The following SNTB1 variants were observed in gnomAD, a reference collection of about 807,000 sequenced individuals.
The protein encoded by SNTB1 is beta-1-syntrophin.
In SNTB1, 36 loss-of-function variants were observed where a neutral mutation model predicts 48.9. That is an observed-to-expected ratio of 0.74 (90% confidence interval 0.56 to 0.97). The LOEUF is 0.97. Among genes scored for constraint, SNTB1 ranks in the 50% least tolerant of loss-of-function variants. The pLI, the probability that SNTB1 is intolerant of heterozygous loss-of-function variation, is 0.00. For missense variants in SNTB1, 786 were observed against 703.4 expected (o/e 1.12, Z -1.33); for synonymous variants, 299 against 294.6 (o/e 1.01, Z -0.15).
Position 120,632,481 on chromosome 8 carries a change from C to T in SNTB1, c.959G>A (p.Ser320Asn). ...CCAGCCAAGATGCCTAATCTCTCGG[C>T]TCCCAGCAATGCCTGTTTTCCCCAG... ...EQLGKTGIAG[S>N]REIRHLGWLA... Residue 320 changes from serine (S) to asparagine (N), a missense_variant, in exon 3 of 7, where the codon AGC becomes AAC. Coordinates refer to ENST00000517992, the MANE Select transcript of SNTB1 (RefSeq NM_021021.4). The T allele has an allele frequency of 6.2e-7, 1 of 1,614,148 alleles. No individual in the cohort carries two copies. Among genetic ancestry groups the T allele is most frequent in the Non-Finnish European group, 8.5e-7 (1 of 1,180,034 alleles).
chr8:120,751,269 C>T (rs1485613813), intron 1 of SNTB1, among the ~76,000 whole-genome samples: 1 of 151,986 alleles, frequency 6.6e-6, no homozygotes, highest in Non-Finnish European at 1.5e-5. Flanking sequence ...TGGATGTTGT[C>T]CACATTAAGA....
Position 120,632,664 on chromosome 8 carries a change from A to G in SNTB1, c.789-13T>C. 1 of 1,613,182 alleles carries G rather than the reference A, an allele frequency of 6.2e-7. No homozygotes were observed. Among genetic ancestry groups the G allele is most frequent in the Non-Finnish European group, 8.5e-7 (1 of 1,179,286 alleles). ...GATTTCAAGCTGCCTAGAGGAGCAC[A>G]GAGAGAAGGGTTAGAAAGTTTCCTG... On this transcript the variant is annotated splice_polypyrimidine_tract_variant and intron_variant, in intron 2 of 6. Coordinates refer to ENST00000517992, the MANE Select transcript of SNTB1 (RefSeq NM_021021.4).
intron 1 of SNTB1, among the ~76,000 whole-genome samples, chr8:120,764,297 GA>G (rs1819478663): frequency 6.6e-6 from 1 of 152,160 alleles, no homozygotes; most frequent in South Asian, 2.1e-4. Flanking sequence ...GACTTGGAAA[GA>G]TATCCAAGAA....
intron 2 of SNTB1, among the ~76,000 whole-genome samples, chr8:120,661,470 T>G (rs1817586728): frequency 6.6e-6 from 1 of 152,190 alleles, no homozygotes; most frequent in Non-Finnish European, 1.5e-5. Context: ...CCAGATTTCT[T>G]TTTTTAATTA....
At chr8:120,618,440 G>A (rs1225684598) in intron 3 of SNTB1, among the ~76,000 whole-genome samples, 1 of 152,114 alleles carries the variant, frequency 6.6e-6, no homozygotes, top group Non-Finnish European at 1.5e-5. Flanking sequence ...TACCTCCCCT[G>A]CTGAAAGTAA....
At chr8:120,617,095 GT>G (rs1399883940) in intron 3 of SNTB1, among the ~76,000 whole-genome samples, 3 of 152,162 alleles carry the variant, frequency 2.0e-5, no homozygotes, top group South Asian at 2.1e-4. Context: ...AACATTATGA[GT>G]TTTTTTGCAA....
Position 120,766,635 on chromosome 8 carries a change from G to T in SNTB1, c.571+44638C>A, listed in dbSNP as rs141729443. On this transcript the variant is annotated intron_variant, in intron 1 of 6. Transcript: ENST00000517992. The stretch of plus-strand genomic sequence containing the variant: ...ATATTGGCAATACCAAATTGAATAA[G>T]ACATAGTGTATCTTCCAAGTAATTA... Among the ~76,000 whole-genome samples, 1,038 of 152,208 alleles carry T rather than the reference G, an allele frequency of 6.8e-3. 12 individuals carry two copies. Among genetic ancestry groups the T allele is most frequent in the African/African-American group, 0.024 (977 of 41,518 alleles).
chr8:120,767,193 T>G (rs1214194414), intron 1 of SNTB1, among the ~76,000 whole-genome samples: 1 of 152,212 alleles, frequency 6.6e-6, no homozygotes, highest in African/African-American at 2.4e-5. Context: ...AACCTTTTTT[T>G]GTCCTCTGTA....
At chr8:120,667,248 G>A (rs1817688421) in intron 2 of SNTB1, among the ~76,000 whole-genome samples, 1 of 152,084 alleles carries the variant, frequency 6.6e-6, no homozygotes, top group African/African-American at 2.4e-5. Context: ...AGCCTTCTAA[G>A]TAGCTGGTAC....
intron 4 of SNTB1, among the ~76,000 whole-genome samples, chr8:120,560,188 C>A (rs370838568): frequency 5.9e-5 from 9 of 152,152 alleles, no homozygotes; most frequent in African/African-American, 2.2e-4. Context: ...ATCTTCTAAC[C>A]TCCTTTCATC....
chr8:120,795,544 T>C (rs1037803142), intron 1 of SNTB1, among the ~76,000 whole-genome samples: 2 of 152,044 alleles, frequency 1.3e-5, no homozygotes, highest in Admixed American at 6.6e-5. Flanking sequence ...AATGCTAGAA[T>C]TTAGTTACTA....
chr8:120,693,338 G>C (rs6985758), intron 2 of SNTB1, among the ~76,000 whole-genome samples: 16,965 of 152,100 alleles, frequency 0.11, 1,974 homozygotes, highest in African/African-American at 0.29. Context: ...AACCAAACAA[G>C]GCATCTATTT....
At chr8:120,697,106 G>A (rs573453093) in intron 1 of SNTB1, among the ~76,000 whole-genome samples, 79 of 152,352 alleles carry the variant, frequency 5.2e-4, no homozygotes, top group African/African-American at 1.9e-3. Context: ...TAAGGGAAGA[G>A]TAATCCCAGA....
chr8:120,561,325 AAAAAAAAAAAAAAAAG>A (rs1815654475), intron 4 of SNTB1, among the ~76,000 whole-genome samples: 1 of 87,818 alleles, frequency 1.1e-5, no homozygotes, highest in Non-Finnish European at 2.9e-5. Flanking sequence ...ATCTCAAAAA[AAAAAAAAAAAAAAAAG>A]AAAAAAAGAA....
chr8:120,721,414 C>T (rs1001252190), intron 1 of SNTB1, among the ~76,000 whole-genome samples: 4 of 152,138 alleles, frequency 2.6e-5, no homozygotes, highest in African/African-American at 9.7e-5. Flanking sequence ...AATGATGTTA[C>T]AAATACCTGT....
At chr8:120,671,055 C>T (rs561024272) in intron 2 of SNTB1, among the ~76,000 whole-genome samples, 3 of 152,296 alleles carry the variant, frequency 2.0e-5, no homozygotes, top group Admixed American at 1.3e-4. Context: ...CTCATACTTC[C>T]CCAATGATTA....
At chr8:120,806,953 T>C (rs1820345090) in intron 1 of SNTB1, among the ~76,000 whole-genome samples, 1 of 152,186 alleles carries the variant, frequency 6.6e-6, no homozygotes, top group South Asian at 2.1e-4. Context: ...GAGAAAGTGA[T>C]TGTGACAGCG....
At chr8:120,664,112 C>T (rs1817636332) in intron 2 of SNTB1, among the ~76,000 whole-genome samples, 1 of 152,016 alleles carries the variant, frequency 6.6e-6, no homozygotes, top group South Asian at 2.1e-4. Flanking sequence ...AACAGGTGTG[C>T]CATTCAGGAA....
chr8:120,783,440 A>G (rs1341366430), intron 1 of SNTB1, among the ~76,000 whole-genome samples: 2 of 152,216 alleles, frequency 1.3e-5, no homozygotes, highest in African/African-American at 4.8e-5. Flanking sequence ...CAATAAATGC[A>G]TATTTAATCA....
Sources: allele counts gnomAD v4.1 joint callset (sites outside exome capture counted in the v4.1 genomes callset), GRCh38; gene constraint gnomAD v4.1.1; transcripts MANE v1.5; gene names NCBI Gene and HGNC (gene_info 2026-07-23, HGNC 2026-07-21).